The following SMARCA2 variants were observed in gnomAD, a reference collection of about 807,000 sequenced individuals.
SMARCA2 encodes the protein SWI/SNF-related matrix-associated actin-dependent regulator of chromatin subfamily A member 2.
In SMARCA2, 61 loss-of-function variants were observed where a neutral mutation model predicts 199.8. The observed-to-expected ratio is 0.31, with a 90% CI of 0.25 to 0.38. The LOEUF is 0.38. Ranked by LOEUF, SMARCA2 falls within the 10% of genes least tolerant of loss-of-function variation. The pLI is 1.00. For missense variants in SMARCA2, 1,344 were observed against 2,012.2 expected (o/e 0.67, Z 6.35); for synonymous variants, 935 against 732.0 (o/e 1.28, Z -4.48).
chr9:2,074,893 C>G (rs1169338105), intron 12 of SMARCA2, among the ~76,000 whole-genome samples: 1 of 152,164 alleles, frequency 6.6e-6, no homozygotes, highest in Non-Finnish European at 1.5e-5. Context: ...AAAGCAAATA[C>G]TTTTTGGGGG....
chr9:2,170,102 C>A lies in SMARCA2; in HGVS notation c.4200-317C>A, dbSNP rs1826165469. 6.6e-6 allele frequency among the ~76,000 whole-genome samples: 1 copy of A among 152,190 alleles called. No individual in the cohort carries two copies. The highest frequency in any genetic ancestry group is 1.5e-5 in the Non-Finnish European group (1 of 68,042). On this transcript the variant is annotated intron_variant, in intron 28 of 33. Coordinates refer to ENST00000349721, the MANE Select transcript of SMARCA2 (RefSeq NM_003070.5). The surrounding 1 kb of genome is among the most constrained non-coding windows in gnomAD (Gnocchi z 4.7). ...TTCCCAAGATCACACGCACCTCTAG[C>A]CAGTGGCTGCCTGTCTCCCACCTTC...
At chr9:2,064,509 G>A (rs1160124345) in intron 9 of SMARCA2, among the ~76,000 whole-genome samples, 12 of 152,264 alleles carry the variant, frequency 7.9e-5, no homozygotes, top group Middle Eastern at 3.4e-3. Context: ...TTATAATACG[G>A]TTATGTTTTT....
chr9:2,147,019 C>G (rs192150567), intron 27 of SMARCA2, among the ~76,000 whole-genome samples: 1 of 152,062 alleles, frequency 6.6e-6, no homozygotes, highest in African/African-American at 2.4e-5. Flanking sequence ...TTACATAGCC[C>G]CTATTCAAGA....
chr9:2,084,936 AT>A (rs1462710144), intron 17 of SMARCA2, among the ~76,000 whole-genome samples: 1 of 152,222 alleles, frequency 6.6e-6, no homozygotes, highest in East Asian at 1.9e-4. Context: ...GGAACAAATA[AT>A]GAAAACTCTT....
chr9:2,185,182 A>T (rs897252342), intron 31 of SMARCA2, among the ~76,000 whole-genome samples: 11 of 152,046 alleles, frequency 7.2e-5, no homozygotes, highest in African/African-American at 2.7e-4. Context: ...ACTAACTCTC[A>T]TCTCCTTCCC....
At chr9:2,112,164 G>C (rs3793497) in intron 24 of SMARCA2, among the ~76,000 whole-genome samples, 28,388 of 152,154 alleles carry the variant, frequency 0.19, 4,415 homozygotes, top group African/African-American at 0.42. Context: ...GCAGCAGGCA[G>C]TGAGCTAGGC....
intron 28 of SMARCA2, among the ~76,000 whole-genome samples, chr9:2,167,458 C>G (rs1032387391): frequency 6.6e-6 from 1 of 152,358 alleles, no homozygotes; most frequent in East Asian, 1.9e-4. Flanking sequence ...GACATCAGGT[C>G]TAGCCTTGAA....
chr9:2,105,967 C>A (rs556080849), intron 23 of SMARCA2, among the ~76,000 whole-genome samples: 1 of 152,344 alleles, frequency 6.6e-6, no homozygotes, highest in East Asian at 1.9e-4. Context: ...TTCATGTTTT[C>A]TTGTCAGCCT....
chr9:2,178,552 C>T (rs1032620880), intron 29 of SMARCA2, among the ~76,000 whole-genome samples: 1 of 152,096 alleles, frequency 6.6e-6, no homozygotes, highest in South Asian at 2.1e-4. Context: ...TTGTTCTGTA[C>T]TTAAAAAGGA....
At chr9:2,088,419 A>T (rs1471297836) in intron 18 of SMARCA2, 81 bp from the exon 19 acceptor site, 2 of 1,469,888 alleles carry the variant, frequency 1.4e-6, no homozygotes, top group Non-Finnish European at 1.8e-6. Context: ...GTATTGAACC[A>T]CACATATGTA....
At chr9:2,160,975 G>C (rs916674406) in intron 27 of SMARCA2, 1 of 200,100 alleles carries the variant, frequency 5.0e-6, no homozygotes, top group African/African-American at 2.3e-5. Context: ...TGTTTTTATA[G>C]CTATTTTATT....
At chr9:2,105,668 C>T (rs1454028537) in intron 23 of SMARCA2, among the ~76,000 whole-genome samples, 3 of 152,124 alleles carry the variant, frequency 2.0e-5, no homozygotes, top group East Asian at 3.9e-4. Context: ...GGCAAATTTC[C>T]TTTATTGTCT....
rs898263749 is a variant in SMARCA2 at position 2,184,435 on chromosome 9, C to G, written c.4462-1661C>G. ...TGGTGCCATCTCGGCTCGCTGCAAA[C>G]TCTGCCTCCTGGGTTCAAGCAATTC... On this transcript the variant is annotated intron_variant, in intron 31 of 33. Coordinates refer to ENST00000349721, the MANE Select transcript of SMARCA2 (RefSeq NM_003070.5). Among the ~76,000 whole-genome samples, 7 of 146,816 alleles carry G rather than the reference C, an allele frequency of 4.8e-5. No individual in the cohort carries two copies. In the South Asian group the frequency reaches 1.5e-3, roughly 32 times the overall value.
intron 4 of SMARCA2, chr9:2,041,606 T>A: frequency 2.6e-6 from 1 of 391,414 alleles, no homozygotes; most frequent in Non-Finnish European, 4.5e-6. Flanking sequence ...CCATAAACTT[T>A]CAGACCATGG....
intron 31 of SMARCA2, 143 bp from the exon 32 acceptor site, chr9:2,185,953 T>C (rs776272048): frequency 3.9e-6 from 3 of 764,772 alleles, no homozygotes; most frequent in East Asian, 2.5e-5. Flanking sequence ...GTTTTGCTAC[T>C]GGGTTTTCAT....
chr9:2,015,383 C>T lies in SMARCA2; in HGVS notation c.-58C>T, dbSNP rs544243749. 2 of 152,452 alleles carry T rather than the reference C, an allele frequency of 1.3e-5. No individual in the cohort carries two copies. Among genetic ancestry groups the T allele is most frequent in the African/African-American group, 4.8e-5 (2 of 41,474 alleles). The allele number at this position is 152,452 out of a possible 1,614,324, so 9.4% of individuals were successfully genotyped here. ...GACTCAGAGAGGGAAGAGATTCAGCCAGCACACTCCTCGCGAGCAAGGTAA... is the reference window on the plus strand; with the variant it reads ...GACTCAGAGAGGGAAGAGATTCAGCTAGCACACTCCTCGCGAGCAAGGTAA... On this transcript the variant is annotated 5_prime_UTR_variant, in exon 1 of 34. Coordinates refer to ENST00000349721, the MANE Select transcript of SMARCA2 (RefSeq NM_003070.5).
intron 27 of SMARCA2, chr9:2,160,899 T>G: frequency 5.7e-6 from 2 of 351,688 alleles, no homozygotes; most frequent in Non-Finnish European, 1.0e-5. Flanking sequence ...AAAAAAAAGT[T>G]TAAACTTCTG....
At chr9:2,165,597 CTTG>C (rs1178036609) in intron 28 of SMARCA2, among the ~76,000 whole-genome samples, 1 of 152,168 alleles carries the variant, frequency 6.6e-6, no homozygotes, top group Non-Finnish European at 1.5e-5. Context: ...TTTGTTTTGA[CTTG>C]TTAAGCATGC....
At chr9:2,128,318 T>C (rs1014297067) in intron 27 of SMARCA2, among the ~76,000 whole-genome samples, 1 of 152,240 alleles carries the variant, frequency 6.6e-6, no homozygotes, top group East Asian at 1.9e-4. Flanking sequence ...GAGACCTTGA[T>C]GACATGTGCT....
Sources: allele counts gnomAD v4.1 joint callset (sites outside exome capture counted in the v4.1 genomes callset), GRCh38; gene constraint gnomAD v4.1.1; non-coding constraint Gnocchi (gnomAD v3.1); transcripts MANE v1.5; gene names NCBI Gene and HGNC (gene_info 2026-07-23, HGNC 2026-07-21).